Variants in IKZF2 observed in about 807,000 individuals in gnomAD.
The protein encoded by IKZF2 is IKAROS family zinc finger 2.
A neutral mutation model predicts 49.2 loss-of-function variants in IKZF2; 15 were observed. That is an observed-to-expected ratio of 0.30 (90% CI 0.20 to 0.47). The LOEUF is 0.47. Among genes scored for constraint, IKZF2 ranks in the 20% least tolerant of loss-of-function variants. The pLI, the probability that IKZF2 is intolerant of heterozygous loss-of-function variation, is 1.00. For missense variants in IKZF2, 567 were observed against 664.6 expected (o/e 0.85, Z 1.61); for synonymous variants, 227 against 221.4 (o/e 1.03, Z -0.23).
At chr2:213,151,821 C>T (rs2061291576), upstream of IKZF2, among the ~76,000 whole-genome samples, 1 of 148,660 alleles carries the variant, frequency 6.7e-6, no homozygotes, top group Non-Finnish European at 1.5e-5. Context: ...TGTGCGGGGC[C>T]CGAGCGCCTG....
At chr2:213,085,775 G>A (rs1704509602) in intron 4 of IKZF2, among the ~76,000 whole-genome samples, 1 of 152,224 alleles carries the variant, frequency 6.6e-6, no homozygotes, top group Non-Finnish European at 1.5e-5. Flanking sequence ...GCATCCTGCT[G>A]TATAACCTCT....
chr2:213,033,114 C>G (rs1698645922), intron 6 of IKZF2, among the ~76,000 whole-genome samples: 1 of 152,182 alleles, frequency 6.6e-6, no homozygotes, highest in Admixed American at 6.5e-5. Context: ...CTCAAGAAAC[C>G]ACTTTCTTTG....
intron 4 of IKZF2, among the ~76,000 whole-genome samples, chr2:213,140,625 T>A (rs1247379860): frequency 3.9e-5 from 6 of 151,978 alleles, no homozygotes; most frequent in Admixed American, 3.3e-4. Flanking sequence ...AAACAGAAGT[T>A]ATGATATTAG....
chr2:213,146,761 G>GGGC (rs1553604948), intron 4 of IKZF2, among the ~76,000 whole-genome samples: 1 of 135,344 alleles, frequency 7.4e-6, no homozygotes, highest in African/African-American at 2.7e-5. Context: ...TAAATCTTCG[G>GGGC]GGGGGGGGAA....
chr2:213,022,433 C>G (rs953806944), intron 6 of IKZF2, among the ~76,000 whole-genome samples: 2 of 152,158 alleles, frequency 1.3e-5, no homozygotes, highest in African/African-American at 4.8e-5. Context: ...TCTTAATACA[C>G]TGACTCTCAG....
intron 7 of IKZF2, among the ~76,000 whole-genome samples, chr2:213,015,720 T>A (rs1478829594): frequency 2.0e-5 from 3 of 151,720 alleles, no homozygotes; most frequent in African/African-American, 7.3e-5. Flanking sequence ...GCAGTCCAAG[T>A]ATGGACCAAA....
chr2:213,113,454 T>C (rs946273103), intron 4 of IKZF2, among the ~76,000 whole-genome samples: 4 of 152,192 alleles, frequency 2.6e-5, no homozygotes, highest in Admixed American at 1.3e-4. Flanking sequence ...CCATGGAGAA[T>C]AGCTTTTTCT....
intron 6 of IKZF2, among the ~76,000 whole-genome samples, chr2:213,024,972 T>C (rs6435752): frequency 0.55 from 83,121 of 151,926 alleles, 23,469 homozygotes; most frequent in East Asian, 0.8. Flanking sequence ...CCTTTATTTT[T>C]ATAATAGTTA....
At chr2:213,144,820 T>C (rs2125974862) in intron 4 of IKZF2, among the ~76,000 whole-genome samples, 1 of 152,054 alleles carries the variant, frequency 6.6e-6, no homozygotes, top group East Asian at 1.9e-4. Context: ...CCATAGGAAG[T>C]AGTCATTATA....
Position 213,005,965 on chromosome 2 carries a change from G to C in IKZF2, c.*1395C>G, listed in dbSNP as rs1262519472. 1 of 151,952 alleles carries C rather than the reference G, an allele frequency of 6.6e-6. No homozygotes were observed. The highest frequency in any genetic ancestry group is 1.5e-5 in the Non-Finnish European group (1 of 67,954). The allele number at this position is 151,952 out of a possible 1,614,324, so 9.4% of individuals were successfully genotyped here. On this transcript the variant is annotated 3_prime_UTR_variant, in exon 9 of 9. Transcript: ENST00000434687. ...AAAATGTGCAGGACTTTCCTTTGGG[G>C]GTTCTGTCACATTCTAGACTCCAAG...
At chr2:213,073,821 A>C (rs1413679651) in intron 4 of IKZF2, among the ~76,000 whole-genome samples, 2 of 152,204 alleles carry the variant, frequency 1.3e-5, no homozygotes, top group East Asian at 3.9e-4. Flanking sequence ...CTAAATTTTA[A>C]AAATTCAGAA....
chr2:213,050,114 A>G (rs542344804), intron 5 of IKZF2, among the ~76,000 whole-genome samples: 1 of 152,316 alleles, frequency 6.6e-6, no homozygotes, highest in East Asian at 1.9e-4. Context: ...AAGTCCTATC[A>G]TTGACTCAGA....
chr2:213,053,598 C>CA (rs546454428), intron 5 of IKZF2, among the ~76,000 whole-genome samples: 1 of 152,078 alleles, frequency 6.6e-6, no homozygotes, highest in South Asian at 2.1e-4. Context: ...CTGCAATGTA[C>CA]AAAATACGGT....
In IKZF2 at chr2:213,006,337, A is replaced by G. The variant is rs542554753; in HGVS notation, c.*1023T>C. 6.6e-6 allele frequency: 1 copy of G among 152,522 alleles called. No homozygotes were observed. Among genetic ancestry groups the G allele is most frequent in the South Asian group, 2.1e-4 (1 of 4,828 alleles). 9.4% of individuals were successfully genotyped at this position (152,522 alleles called of 1,614,324 possible). A position where few individuals can be genotyped will look rare whatever the true frequency, so the allele number is the denominator to read the frequency against. The stretch of plus-strand genomic sequence containing the variant: ...GAGAAATACCAGAAAAGGGATTTCT[A>G]AGTGGGTTTTCTCCCCCTACTGTTA... On this transcript the variant is annotated 3_prime_UTR_variant, in exon 9 of 9. Transcript: ENST00000434687.
intron 6 of IKZF2, among the ~76,000 whole-genome samples, chr2:213,038,310 C>G (rs907845449): frequency 6.6e-6 from 1 of 152,152 alleles, no homozygotes; most frequent in Admixed American, 6.5e-5. Flanking sequence ...CTGCCCGTCT[C>G]GGCCTCCCAA....
chr2:213,123,325 GGTTT>G (rs1331210027), intron 4 of IKZF2, among the ~76,000 whole-genome samples: 2 of 152,096 alleles, frequency 1.3e-5, no homozygotes, highest in Non-Finnish European at 2.9e-5. Context: ...CAAAGCATCA[GGTTT>G]TATAGTATCT....
intron 6 of IKZF2, among the ~76,000 whole-genome samples, chr2:213,046,220 T>C (rs1051309570): frequency 6.6e-6 from 1 of 152,168 alleles, no homozygotes; most frequent in Non-Finnish European, 1.5e-5. Flanking sequence ...TGTTATCTAA[T>C]TCAACATATC....
intron 7 of IKZF2, among the ~76,000 whole-genome samples, chr2:213,016,613 G>A (rs1696630838): frequency 6.6e-6 from 1 of 152,048 alleles, no homozygotes; most frequent in Non-Finnish European, 1.5e-5. Context: ...ATTAATCTGG[G>A]CTAAAGATAT....
At chr2:213,105,007 T>C (rs1266166169) in intron 4 of IKZF2, among the ~76,000 whole-genome samples, 1 of 152,062 alleles carries the variant, frequency 6.6e-6, no homozygotes, top group Non-Finnish European at 1.5e-5. Context: ...ACAAAGGTAC[T>C]CCAGAGATTC....
Sources: allele counts gnomAD v4.1 joint callset (sites outside exome capture counted in the v4.1 genomes callset), GRCh38; gene constraint gnomAD v4.1.1; transcripts MANE v1.5; gene names NCBI Gene and HGNC (gene_info 2026-07-23, HGNC 2026-07-21).